SLC39A11: variants seen among roughly 807,000 people sequenced by gnomAD.
SLC39A11 encodes the protein solute carrier family 39 member 11, also known as zinc transporter ZIP11.
Under a neutral mutation model 36.1 loss-of-function variants are expected in SLC39A11, and 33 were observed. The observed-to-expected ratio is 0.91, with a 90% confidence interval of 0.69 to 1.22. SLC39A11 has a LOEUF of 1.22. Among genes scored for constraint, SLC39A11 ranks in the 50% most tolerant of loss-of-function variants. The pLI is 0.00. For missense variants in SLC39A11, 432 were observed against 430.3 expected, an observed-to-expected ratio of 1.00 and a Z score of -0.03; for synonymous variants, 166 against 170.3, an observed-to-expected ratio of 0.97 and a Z score of 0.20.
chr17:72,740,236 G>C (rs906043208), intron 6 of SLC39A11, among the ~76,000 whole-genome samples: 12 of 151,450 alleles, frequency 7.9e-5, no homozygotes, highest in African/African-American at 2.9e-4. Flanking sequence ...CTAATTTTTT[G>C]TATTTTTTAG....
chr17:72,952,056 C>T (rs1568010377), intron 4 of SLC39A11, among the ~76,000 whole-genome samples: 2 of 152,254 alleles, frequency 1.3e-5, no homozygotes, highest in South Asian at 2.1e-4. Context: ...CCTGTACCCA[C>T]TCCCGCCTGT....
chr17:73,078,826 G>A (rs2060418180), intron 3 of SLC39A11, among the ~76,000 whole-genome samples: 1 of 151,980 alleles, frequency 6.6e-6, no homozygotes, highest in African/African-American at 2.4e-5. Context: ...AGTGAATCCA[G>A]TAGGTCCTAA....
intron 5 of SLC39A11, 154 bp downstream of exon 5, chr17:72,947,598 G>C (rs2085510118): frequency 9.1e-7 from 1 of 1,093,996 alleles, no homozygotes; most frequent in South Asian, 1.4e-5. Context: ...TGCCAGTTTA[G>C]CTCCATGCAG....
chr17:72,924,524 C>A (rs2083916013), intron 5 of SLC39A11, among the ~76,000 whole-genome samples: 1 of 152,054 alleles, frequency 6.6e-6, no homozygotes, highest in Admixed American at 6.5e-5. Context: ...GAGACACCAG[C>A]CTGGTCTAAA....
chr17:72,752,657 T>G (rs1161412497), intron 6 of SLC39A11, among the ~76,000 whole-genome samples: 1 of 152,112 alleles, frequency 6.6e-6, no homozygotes, highest in African/African-American at 2.4e-5. Context: ...CCTCCCAAAG[T>G]GCTGGGATTA....
At chr17:72,654,577 C>T (rs1041484114) in intron 7 of SLC39A11, among the ~76,000 whole-genome samples, 17 of 152,216 alleles carry the variant, frequency 1.1e-4, no homozygotes, top group South Asian at 2.1e-4. Context: ...CAGGGGGGCC[C>T]CTTCCCTGCG....
intron 4 of SLC39A11, among the ~76,000 whole-genome samples, chr17:73,010,950 T>C (rs1327998261): frequency 6.6e-6 from 1 of 152,208 alleles, no homozygotes; most frequent in African/African-American, 2.4e-5. Flanking sequence ...TCTCCAATTA[T>C]TCTTTCATTG....
intron 5 of SLC39A11, among the ~76,000 whole-genome samples, chr17:72,935,238 T>A (rs189116655): frequency 2.6e-5 from 4 of 152,334 alleles, no homozygotes; most frequent in African/African-American, 7.2e-5. Flanking sequence ...CTGAAATGCA[T>A]GACGCCAAGT....
intron 6 of SLC39A11, among the ~76,000 whole-genome samples, chr17:72,843,327 T>C (rs1408320541): frequency 2.0e-5 from 3 of 152,092 alleles, no homozygotes; most frequent in Non-Finnish European, 4.4e-5. Flanking sequence ...CTGCAAAATA[T>C]TGTGTGTGGC....
At chr17:72,789,298 CT>C (rs2145037202) in intron 6 of SLC39A11, among the ~76,000 whole-genome samples, 1 of 152,278 alleles carries the variant, frequency 6.6e-6, no homozygotes, top group South Asian at 2.1e-4. Flanking sequence ...CTCCCAAAGG[CT>C]TTGACTGCAG....
At chr17:72,859,359 A>G (rs576496931) in intron 5 of SLC39A11, among the ~76,000 whole-genome samples, 1 of 152,248 alleles carries the variant, frequency 6.6e-6, no homozygotes, top group South Asian at 2.1e-4. Flanking sequence ...GTATTCCCAC[A>G]TATTGCATGG....
chr17:72,980,784 G>A (rs1311526364), intron 4 of SLC39A11, among the ~76,000 whole-genome samples: 1 of 152,160 alleles, frequency 6.6e-6, no homozygotes. Flanking sequence ...CGACACTTTG[G>A]GAGGCTGAGG....
intron 7 of SLC39A11, among the ~76,000 whole-genome samples, chr17:72,668,567 G>A (rs1183796151): frequency 6.6e-6 from 1 of 152,220 alleles, no homozygotes; most frequent in Non-Finnish European, 1.5e-5. Context: ...TCAGCAATGT[G>A]CAGAGGGGTA....
rs1598763953 is a variant in SLC39A11 at position 72,794,974 on chromosome 17, C to T, written c.601+54660G>A. On this transcript the variant is annotated intron_variant, in intron 6 of 9. Coordinates refer to ENST00000255559, the MANE Select transcript of SLC39A11 (RefSeq NM_139177.4). ...ATGAATGCCACCAGAATTCTGAGGG[C>T]AGAGGACCTCCGACTGTGAAAGAAG... 2.0e-5 allele frequency among the ~76,000 whole-genome samples: 3 copies of T among 152,072 alleles called. No homozygotes were observed. In the East Asian group the frequency reaches 5.8e-4, roughly 29 times the overall value.
Position 72,829,486 on chromosome 17 carries a change from G to A in SLC39A11, c.601+20148C>T, listed in dbSNP as rs572331902. Reference sequence around the variant, plus strand: ...TATGGAGAATGAGGGACAGGGAAGAGCTAAGACAACTATGGGCCTTCCAGC... The same window carrying A: ...TATGGAGAATGAGGGACAGGGAAGAACTAAGACAACTATGGGCCTTCCAGC... On this transcript the variant is annotated intron_variant, in intron 6 of 9. Coordinates refer to ENST00000255559, the MANE Select transcript of SLC39A11 (RefSeq NM_139177.4). Among the ~76,000 whole-genome samples the A allele has an allele frequency of 7.2e-5, 11 of 152,278 alleles. 1 individual carries two copies. The South Asian group carries it at 2.3e-3, about 32-fold the overall frequency.
intron 6 of SLC39A11, chr17:72,824,003 T>A (rs902162644): frequency 6.6e-6 from 1 of 151,146 alleles, no homozygotes; most frequent in East Asian, 1.9e-4. Context: ...ATTTTTTCAA[T>A]GCCAAAGTTG....
At chr17:72,859,441 CT>C (rs1399453857) in intron 5 of SLC39A11, among the ~76,000 whole-genome samples, 1 of 151,524 alleles carries the variant, frequency 6.6e-6, no homozygotes, top group Non-Finnish European at 1.5e-5. Context: ...TGTATTTGAA[CT>C]GACAACTCTA....
Position 72,830,704 on chromosome 17 carries a change from G to A in SLC39A11, c.601+18930C>T, listed in dbSNP as rs115897211. On this transcript the variant is annotated intron_variant, in intron 6 of 9. Coordinates refer to ENST00000255559, the MANE Select transcript of SLC39A11 (RefSeq NM_139177.4). ...ATCAGGGCAGAGCAATTGGTCCCTC[G>A]CAAGGTAGAGCCCAAGGAGCCCATG... Among the ~76,000 whole-genome samples, 1,009 of 152,152 alleles carry A rather than the reference G, an allele frequency of 6.6e-3. 5 individuals carry two copies. The highest frequency in any genetic ancestry group is 0.022 in the African/African-American group (901 of 41,500).
At chr17:73,044,745 G>T (rs1418542931) in intron 3 of SLC39A11, among the ~76,000 whole-genome samples, 1 of 151,906 alleles carries the variant, frequency 6.6e-6, no homozygotes. Context: ...ATGGTGGTGG[G>T]TACCTGTAAT....
Sources: gnomAD v4.1 joint callset for allele counts (sites outside exome capture counted in the v4.1 genomes callset) on GRCh38, gnomAD v4.1.1 for gene constraint, MANE v1.5 for transcripts, NCBI Gene and HGNC (gene_info 2026-07-23, HGNC 2026-07-21) for gene names.